RPS6KA2: variants seen among roughly 807,000 people sequenced by gnomAD.
The protein encoded by RPS6KA2 is ribosomal protein S6 kinase A2.
RPS6KA2 carries 42 observed loss-of-function variants against 91.8 expected under a neutral mutation model. That is an observed-to-expected ratio of 0.46 (90% CI 0.36 to 0.59). The LOEUF (loss-of-function observed/expected upper bound fraction) is 0.59, where lower values mean the gene tolerates loss of function less well. Ranked by LOEUF, RPS6KA2 falls within the 20% of genes least tolerant of loss-of-function variation. RPS6KA2 has a pLI of 0.00. For missense variants in RPS6KA2, 798 were observed against 978.5 expected (o/e 0.82, Z 2.46); for synonymous variants, 414 against 393.6 (o/e 1.05, Z -0.61).
rs545856363 is a variant in RPS6KA2, at chr6:166,702,144, T to C, written c.123+156056A>G. 3.2e-4 allele frequency: 508 copies of C among 1,579,422 alleles called. 5 individuals are homozygous for C. In the South Asian group the frequency reaches 5.0e-3, roughly 16 times the overall value. ...GCATTTTCTTTACGGTGGACATCGA[T>C]TTTAGACTGGGTCTGTTTGGTGATG... On this transcript the variant is annotated intron_variant, in intron 2 of 21. Transcript: ENST00000503859.
intron 2 of RPS6KA2, among the ~76,000 whole-genome samples, chr6:166,847,160 A>G (rs1335055152): frequency 6.6e-6 from 1 of 151,844 alleles, no homozygotes; most frequent in Non-Finnish European, 1.5e-5. Context: ...AACCCCTTTT[A>G]CAAGAGCTGA....
intron 1 of RPS6KA2, among the ~76,000 whole-genome samples, chr6:166,620,844 T>C (rs1786599877): frequency 6.6e-6 from 1 of 152,130 alleles, no homozygotes; most frequent in South Asian, 2.1e-4. Flanking sequence ...AAGGATTCAG[T>C]GGTTTGGCAA....
chr6:166,847,608 T>C (rs559560819), intron 2 of RPS6KA2, among the ~76,000 whole-genome samples: 1 of 152,158 alleles, frequency 6.6e-6, no homozygotes, highest in Non-Finnish European at 1.5e-5. Flanking sequence ...TAAAGCCAAA[T>C]ATTTACAGCC....
chr6:166,797,422 C>A (rs1583130430), intron 2 of RPS6KA2, among the ~76,000 whole-genome samples: 1 of 152,154 alleles, frequency 6.6e-6, no homozygotes, highest in South Asian at 2.1e-4. Context: ...CTCTGGACCC[C>A]CAAAGCTTAA....
At chr6:166,791,817 C>A (rs561325812) in intron 2 of RPS6KA2, among the ~76,000 whole-genome samples, 1 of 149,392 alleles carries the variant, frequency 6.7e-6, no homozygotes, top group Admixed American at 6.6e-5. Context: ...CTGAAACCAA[C>A]GAGAACAAAG....
intron 10 of RPS6KA2, among the ~76,000 whole-genome samples, chr6:166,487,262 G>T (rs189831316): frequency 6.3e-4 from 96 of 152,302 alleles, no homozygotes; most frequent in African/African-American, 2.2e-3. Flanking sequence ...TGGGCTTTCT[G>T]GATTGGCCTG....
chr6:166,610,684 C>T (rs575934256), intron 1 of RPS6KA2, among the ~76,000 whole-genome samples: 51 of 152,286 alleles, frequency 3.3e-4, no homozygotes, highest in Non-Finnish European at 5.4e-4. Flanking sequence ...TAAAAGGCAG[C>T]GCTGCCAAAT....
At chr6:166,441,113 T>G (rs544824365) in intron 14 of RPS6KA2, among the ~76,000 whole-genome samples, 32 of 152,350 alleles carry the variant, frequency 2.1e-4, no homozygotes, top group African/African-American at 7.5e-4. Flanking sequence ...TCCTCAGTCA[T>G]GCAATCTGTT....
intron 2 of RPS6KA2, among the ~76,000 whole-genome samples, chr6:166,651,066 A>G (rs1232123849): frequency 6.6e-6 from 1 of 152,192 alleles, no homozygotes; most frequent in African/African-American, 2.4e-5. Context: ...CCAGCTGTGG[A>G]AGCCAGGCTG....
At chr6:166,471,811 T>C (rs988450113) in intron 10 of RPS6KA2, among the ~76,000 whole-genome samples, 1 of 123,016 alleles carries the variant, frequency 8.1e-6, no homozygotes, top group African/African-American at 3.6e-5. Context: ...TTCTGAAGTG[T>C]CTTTCCCGAG....
At chr6:166,589,971 G>A (rs1785304323) in intron 1 of RPS6KA2, among the ~76,000 whole-genome samples, 1 of 152,128 alleles carries the variant, frequency 6.6e-6, no homozygotes, top group South Asian at 2.1e-4. Flanking sequence ...AACAAGAACA[G>A]GAAGGGCCAG....
intron 3 of RPS6KA2, among the ~76,000 whole-genome samples, chr6:166,528,388 C>T (rs1177625871): frequency 6.6e-6 from 1 of 152,054 alleles, no homozygotes; most frequent in Non-Finnish European, 1.5e-5. Flanking sequence ...GAAACTGGAT[C>T]CCTTCCTTAC....
chr6:166,464,546 T>C (rs547117728), intron 11 of RPS6KA2, among the ~76,000 whole-genome samples: 106 of 152,304 alleles, frequency 7.0e-4, no homozygotes, highest in African/African-American at 2.5e-3. Context: ...TCACTGCCTG[T>C]AATAATATTT....
chr6:166,679,911 G>C (rs898646572), intron 2 of RPS6KA2, among the ~76,000 whole-genome samples: 1 of 152,264 alleles, frequency 6.6e-6, no homozygotes. Context: ...GGCTGCAGGA[G>C]TACCTGGACT....
Position 166,466,071 on chromosome 6 carries a change from A to G in RPS6KA2, c.972+3770T>C, listed in dbSNP as rs146989567. Among the ~76,000 whole-genome samples the G allele has an allele frequency of 1.7e-3, 253 of 152,286 alleles. 1 individual carries two copies. Among genetic ancestry groups the G allele is most frequent in the African/African-American group, 6.0e-3 (248 of 41,560 alleles). ...GATCAATCACAAGGACCTCTCTCAA[A>G]ACGAAAACAAGGCCAAAATAAAATC... is the stretch of plus-strand genomic sequence containing the variant. On this transcript the variant is annotated intron_variant, in intron 11 of 20. Coordinates refer to ENST00000265678, the MANE Select transcript of RPS6KA2 (RefSeq NM_021135.6).
rs13195972 is a variant in RPS6KA2 at position 166,784,581 on chromosome 6, G to T, written c.123+73619C>A. ...ATATGCACACGTGCACACCTATGCA[G>T]AACCACATATGCACACGTGCACACC... On this transcript the variant is annotated intron_variant, in intron 2 of 21. Transcript: ENST00000503859. Among the ~76,000 whole-genome samples the T allele has an allele frequency of 1.4e-3, 4 of 2,914 alleles. 1 individual carries two copies. Among genetic ancestry groups the T allele is most frequent in the African/African-American group, 1.9e-3 (2 of 1,078 alleles). 1.9% of individuals were successfully genotyped at this position (2,914 alleles called of 152,430 possible).
At chr6:166,528,695 T>C (rs1783150308) in intron 3 of RPS6KA2, among the ~76,000 whole-genome samples, 2 of 151,872 alleles carry the variant, frequency 1.3e-5, no homozygotes, top group South Asian at 4.2e-4. Context: ...ATATCCAGAA[T>C]CTACAAAGAA....
intron 1 of RPS6KA2, among the ~76,000 whole-genome samples, chr6:166,558,784 A>T (rs888443876): frequency 3.3e-5 from 5 of 152,220 alleles, no homozygotes; most frequent in Admixed American, 6.5e-5. Flanking sequence ...GAAAGTCTAC[A>T]GTCACGGAGC....
intron 2 of RPS6KA2, among the ~76,000 whole-genome samples, chr6:166,836,931 C>A (rs1780332348): frequency 6.6e-6 from 1 of 152,214 alleles, no homozygotes; most frequent in Non-Finnish European, 1.5e-5. Flanking sequence ...TCTTTGCCTT[C>A]AGTGTGCCCC....
Sources: gnomAD v4.1 joint callset for allele counts (sites outside exome capture counted in the v4.1 genomes callset) on GRCh38, gnomAD v4.1.1 for gene constraint, MANE v1.5 for transcripts, NCBI Gene and HGNC (gene_info 2026-07-23, HGNC 2026-07-21) for gene names.